The following RNF17 variants were observed in gnomAD, a reference collection of about 807,000 sequenced individuals.
RNF17 encodes ring finger protein 17, also known as spermatogenesis associated 23.
In RNF17, 31 loss-of-function variants were observed where a neutral mutation model predicts 200.5. That is an observed-to-expected ratio of 0.15 (90% CI 0.12 to 0.21). The LOEUF (loss-of-function observed/expected upper bound fraction) is 0.21, where lower values mean the gene tolerates loss of function less well. RNF17 is among the 10% of genes least tolerant of loss of function. RNF17 has a pLI of 1.00. For synonymous variants in RNF17, 606 were observed against 637.8 expected (o/e 0.95, Z 0.75); for missense variants, 1,628 against 1,905.1 (o/e 0.85, Z 2.71).
downstream of RNF17, among the ~76,000 whole-genome samples, chr13:24,881,539 A>G (rs1953816660): frequency 1.3e-5 from 2 of 151,926 alleles, no homozygotes; most frequent in South Asian, 4.1e-4. Flanking sequence ...GTATCTGTAG[A>G]TATCTATATA....
At chr13:24,787,908 C>A in intron 6 of RNF17, 80 bp from the exon 7 acceptor site, 1 of 1,105,818 alleles carries the variant, frequency 9.0e-7, no homozygotes, top group Non-Finnish European at 1.3e-6. Flanking sequence ...ACTGAACTTA[C>A]TCTTCAAGAT....
At chr13:24,869,934 ATTTTTTTTTTTTT>A (rs34196797) in intron 31 of RNF17, among the ~76,000 whole-genome samples, 10 of 83,756 alleles carry the variant, frequency 1.2e-4, no homozygotes, top group East Asian at 3.6e-4. Context: ...TGCCCAGCTA[ATTTTTTTTTTTTT>A]TTTTTTTTTT....
At chr13:24,883,130 T>C (rs1566274910), downstream of RNF17, 1 of 1,478,572 alleles carries the variant, frequency 6.8e-7, no homozygotes. Flanking sequence ...GTACATTTTT[T>C]AACATAAAAA....
At chr13:24,786,874 G>A (rs547940361) in intron 6 of RNF17, among the ~76,000 whole-genome samples, 19 of 151,980 alleles carry the variant, frequency 1.3e-4, no homozygotes, top group Non-Finnish European at 2.5e-4. Context: ...ATTTTGGAAG[G>A]TTTTTTGCCA....
At chr13:24,766,426 A>T (rs781252782) in intron 1 of RNF17, among the ~76,000 whole-genome samples, 1 of 152,242 alleles carries the variant, frequency 6.6e-6, no homozygotes, top group Non-Finnish European at 1.5e-5. Context: ...TTTAATCATG[A>T]TGTTAGGTTT....
At chr13:24,846,705 A>G (rs893404506) in intron 22 of RNF17, among the ~76,000 whole-genome samples, 3 of 152,198 alleles carry the variant, frequency 2.0e-5, no homozygotes, top group Non-Finnish European at 4.4e-5. Context: ...TGAGCTAAAA[A>G]AAATTGAAAA....
intron 10 of RNF17, 63 bp from the exon 11 acceptor site, chr13:24,796,074 C>G: frequency 7.8e-7 from 1 of 1,286,478 alleles, no homozygotes; most frequent in Non-Finnish European, 1.1e-6. Context: ...TATGGTTGTT[C>G]AGCTTTCATG....
downstream of RNF17, among the ~76,000 whole-genome samples, chr13:24,881,496 T>C (rs1052007400): frequency 4.6e-5 from 7 of 151,998 alleles, no homozygotes; most frequent in African/African-American, 1.7e-4. Flanking sequence ...AATCCTTACC[T>C]CTCCTGAGAT....
downstream of RNF17, among the ~76,000 whole-genome samples, chr13:24,880,450 G>T (rs1350821143): frequency 1.3e-5 from 2 of 152,182 alleles, no homozygotes; most frequent in East Asian, 1.9e-4. Context: ...ATGATTTGGT[G>T]TTTATCATTC....
intron 18 of RNF17, among the ~76,000 whole-genome samples, chr13:24,836,897 A>G (rs1433972852): frequency 1.3e-5 from 2 of 152,192 alleles, no homozygotes; most frequent in Non-Finnish European, 2.9e-5. Flanking sequence ...TTGAATGTAA[A>G]TTGCCTAAAT....
chr13:24,862,475 G>A (rs199899279), intron 27 of RNF17, among the ~76,000 whole-genome samples: 3 of 140,582 alleles, frequency 2.1e-5, no homozygotes, highest in Non-Finnish European at 3.1e-5. Context: ...GTGTGTGTGT[G>A]TTTTCTCACC....
chr13:24,757,601 G>A, the RNF17 span, among the ~76,000 whole-genome samples: 6,400 of 152,210 alleles, frequency 0.042, 200 homozygotes, highest in Non-Finnish European at 0.064. Flanking sequence ...TGAGATTACA[G>A]GCATGAGCCA....
rs1891060528 is a variant in RNF17, at chr13:24,844,794, T to C, written c.2974T>C (p.Leu992=). ...GQIIRMVTDT[L]VEVLLYDVGV... is the part of the protein sequence containing the mutation. ...GATCATCAGAATGGTTACAGACACA[T>C]TGGTAGAGGTAAATTACAGAGTTAA... Residue 992 remains leucine (L), a synonymous_variant, in exon 21 of 36, where the codon TTG becomes CTG. Transcript: ENST00000255324. The C allele has an allele frequency of 6.2e-7, 1 of 1,610,512 alleles. No individual in the cohort carries two copies. Among genetic ancestry groups the C allele is most frequent in the African/African-American group, 1.3e-5 (1 of 74,756 alleles).
downstream of RNF17, chr13:24,883,219 A>G (rs1953913546): frequency 6.2e-7 from 1 of 1,613,972 alleles, no homozygotes; most frequent in Non-Finnish European, 8.5e-7. Context: ...CCTTGTCCTT[A>G]ACTCTTATCC....
chr13:24,834,325 G>GAATC (rs1889732681), intron 18 of RNF17, among the ~76,000 whole-genome samples: 1 of 152,138 alleles, frequency 6.6e-6, no homozygotes, highest in African/African-American at 2.4e-5. Context: ...TGAGGCAGGA[G>GAATC]AATCACTTGA....
chr13:24,786,085 T>C (rs1883069186), intron 6 of RNF17, among the ~76,000 whole-genome samples: 1 of 152,184 alleles, frequency 6.6e-6, no homozygotes, highest in Admixed American at 6.5e-5. Context: ...TTATTTGTTG[T>C]TGCTTATTTC....
At chr13:24,776,344 T>C (rs1313283863) in intron 3 of RNF17, among the ~76,000 whole-genome samples, 1 of 152,206 alleles carries the variant, frequency 6.6e-6, no homozygotes, top group Non-Finnish European at 1.5e-5. Context: ...TTCCTGGCAC[T>C]TCACATTACC....
intron 15 of RNF17, among the ~76,000 whole-genome samples, chr13:24,809,377 A>G (rs1408213348): frequency 6.6e-6 from 1 of 150,514 alleles, no homozygotes; most frequent in Non-Finnish European, 1.5e-5. Flanking sequence ...GTCTTGGGAG[A>G]GTGTGTCGAG....
chr13:24,813,624 T>G (rs77743184), intron 15 of RNF17, among the ~76,000 whole-genome samples: 3,687 of 151,954 alleles, frequency 0.024, 134 homozygotes, highest in African/African-American at 0.084. Context: ...TATTTGCGTG[T>G]AACTACTTTT....
Sources: allele counts gnomAD v4.1 joint callset (sites outside exome capture counted in the v4.1 genomes callset), GRCh38; gene constraint gnomAD v4.1.1; transcripts MANE v1.5; gene names NCBI Gene and HGNC (gene_info 2026-07-23, HGNC 2026-07-21).